ADAM22: variants seen among roughly 807,000 people sequenced by gnomAD.
The protein encoded by ADAM22 is disintegrin and metalloproteinase domain-containing protein 22.
A neutral mutation model predicts 144.6 loss-of-function variants in ADAM22; 65 were observed. That is an observed-to-expected ratio of 0.45 (90% CI 0.37 to 0.55). The LOEUF is 0.55. Ranked by LOEUF, ADAM22 falls within the 20% of genes least tolerant of loss-of-function variation. The pLI is 0.00. For synonymous variants in ADAM22, 391 were observed against 412.6 expected (o/e 0.95, Z 0.63); for missense variants, 974 against 1,184.9 (o/e 0.82, Z 2.61).
At chr7:88,135,366 T>C (rs1231810673) in intron 13 of ADAM22, among the ~76,000 whole-genome samples, 1 of 151,804 alleles carries the variant, frequency 6.6e-6, no homozygotes, top group Non-Finnish European at 1.5e-5. Flanking sequence ...ATTACTTCCA[T>C]TTAGATACTC....
intron 3 of ADAM22, among the ~76,000 whole-genome samples, chr7:88,018,273 AC>A (rs910138743): frequency 6.6e-5 from 10 of 152,122 alleles, no homozygotes; most frequent in African/African-American, 1.7e-4. Flanking sequence ...CCCAGAAACC[AC>A]CGTTCTCTTT....
intron 2 of ADAM22, among the ~76,000 whole-genome samples, chr7:87,941,539 G>A (rs536983825): frequency 5.9e-5 from 9 of 152,086 alleles, no homozygotes; most frequent in African/African-American, 1.9e-4. Context: ...AAAGTAAGTG[G>A]CTCAATATTG....
intron 29 of ADAM22, 131 bp from the exon 30 acceptor site, chr7:88,186,484 A>G (rs919907907): frequency 3.0e-5 from 22 of 734,874 alleles, no homozygotes; most frequent in Non-Finnish European, 5.4e-5. Context: ...ATCACCCAAC[A>G]TCCATTCTGG....
chr7:88,148,760 G>A lies in ADAM22; in HGVS notation c.1486-217G>A, dbSNP rs149396163. ...TTTAGCAGTATAATATAAGGCTTAT[G>A]TGTAATGACTATGGAAATTACATCA... On this transcript the variant is annotated intron_variant, in intron 17 of 31. Coordinates refer to ENST00000413139, the MANE Select transcript of ADAM22 (RefSeq NM_001324418.2). Among the ~76,000 whole-genome samples the A allele has an allele frequency of 4.2e-3, 634 of 152,266 alleles. 2 individuals carry two copies. Among genetic ancestry groups the A allele is most frequent in the African/African-American group, 0.014 (595 of 41,568 alleles).
chr7:88,161,130 C>A (rs1414028828), intron 22 of ADAM22, among the ~76,000 whole-genome samples: 1 of 150,626 alleles, frequency 6.6e-6, no homozygotes, highest in Non-Finnish European at 1.5e-5. Context: ...TAATAAAAAA[C>A]CAACCCCCCC....
At chr7:88,029,273 C>G (rs1321717414) in intron 3 of ADAM22, among the ~76,000 whole-genome samples, 1 of 151,978 alleles carries the variant, frequency 6.6e-6, no homozygotes, top group African/African-American at 2.4e-5. Context: ...GAGGTTACCA[C>G]TAGGCTTGTA....
At chr7:87,938,839 C>G (rs1415112573) in intron 2 of ADAM22, among the ~76,000 whole-genome samples, 5 of 151,986 alleles carry the variant, frequency 3.3e-5, no homozygotes, top group Non-Finnish European at 5.9e-5. Flanking sequence ...TTAGTAGAGA[C>G]AGGGTTTCAC....
chr7:87,934,593 C>T (rs746969143), intron 1 of ADAM22, 43 bp downstream of exon 1: 3 of 1,572,098 alleles, frequency 1.9e-6, no homozygotes, highest in Non-Finnish European at 2.6e-6. Flanking sequence ...TACCATTTCC[C>T]GGGAATCTTT....
At chr7:87,967,658 AT>A (rs1458171259) in intron 2 of ADAM22, among the ~76,000 whole-genome samples, 1 of 151,922 alleles carries the variant, frequency 6.6e-6, no homozygotes, top group Non-Finnish European at 1.5e-5. Context: ...AATACAAAGA[AT>A]TAGCCAGGTA....
chr7:88,083,587 TTGTGTGTGTGTGTGTGTGTGTGTG>T (rs35145003), intron 4 of ADAM22, among the ~76,000 whole-genome samples: 5 of 126,670 alleles, frequency 3.9e-5, no homozygotes, highest in East Asian at 2.3e-4. Context: ...TACTTTGTGT[TTGTGTGTGTGTGTGTGTGTGTGTG>T]TGTGTGTGTG....
chr7:88,059,417 A>G (rs1349154988), intron 3 of ADAM22, among the ~76,000 whole-genome samples: 3 of 152,244 alleles, frequency 2.0e-5, no homozygotes, highest in Non-Finnish European at 4.4e-5. Context: ...TTTAAAGCTC[A>G]AAGCTATAAT....
chr7:88,180,429 G>A (rs1298698574), intron 27 of ADAM22, among the ~76,000 whole-genome samples: 1 of 152,042 alleles, frequency 6.6e-6, no homozygotes. Flanking sequence ...CATTCTGTGA[G>A]TAGCAAATGA....
chr7:88,075,396 A>G (rs1262659966), intron 3 of ADAM22, among the ~76,000 whole-genome samples: 1 of 152,168 alleles, frequency 6.6e-6, no homozygotes, highest in Non-Finnish European at 1.5e-5. Flanking sequence ...TGTGCTCAGC[A>G]ATGGAGTGAC....
rs1563245756 is a variant in ADAM22, at chr7:88,113,707, T to TAA, written c.474-876_474-875insAA. Among the ~76,000 whole-genome samples the TAA allele has an allele frequency of 9.8e-3, 464 of 47,162 alleles. 3 individuals are homozygous for TAA. Among genetic ancestry groups the TAA allele is most frequent in the South Asian group, 0.047 (40 of 854 alleles). The allele number at this position is 47,162 out of a possible 152,430, so 30.9% of individuals were successfully genotyped here. ...TATATTATAAATAAATAAATAAATA[T>TAA]ATATATATATATATATATATATATA... On this transcript the variant is annotated intron_variant, in intron 5 of 31. Transcript: ENST00000413139.
chr7:88,014,386 C>T (rs1016467672), intron 3 of ADAM22, among the ~76,000 whole-genome samples: 1 of 152,130 alleles, frequency 6.6e-6, no homozygotes, highest in Non-Finnish European at 1.5e-5. Context: ...TATTTTATTG[C>T]ACCATTCTTT....
chr7:88,039,026 C>T (rs1802283589), intron 3 of ADAM22, among the ~76,000 whole-genome samples: 1 of 152,066 alleles, frequency 6.6e-6, no homozygotes, highest in Non-Finnish European at 1.5e-5. Context: ...AGCGATCCTC[C>T]TGTCTTAGCC....
chr7:88,102,594 G>A (rs1196870841), intron 4 of ADAM22, among the ~76,000 whole-genome samples: 2 of 152,186 alleles, frequency 1.3e-5, no homozygotes, highest in African/African-American at 4.8e-5. Flanking sequence ...CCCCTCTAGG[G>A]TATTCCTGGA....
chr7:88,159,556 C>T (rs899053940), intron 22 of ADAM22, among the ~76,000 whole-genome samples: 2 of 152,136 alleles, frequency 1.3e-5, no homozygotes, highest in Non-Finnish European at 2.9e-5. Context: ...ATCATATCCA[C>T]CATAATCAGG....
chr7:88,097,246 C>T (rs1157012720), intron 4 of ADAM22, among the ~76,000 whole-genome samples: 1 of 150,502 alleles, frequency 6.6e-6, no homozygotes, highest in African/African-American at 2.4e-5. Flanking sequence ...CCACCTCCCA[C>T]GTTCAAGCGA....
Sources: gnomAD v4.1 joint callset for allele counts (sites outside exome capture counted in the v4.1 genomes callset) on GRCh38, gnomAD v4.1.1 for gene constraint, MANE v1.5 for transcripts, NCBI Gene and HGNC (gene_info 2026-07-23, HGNC 2026-07-21) for gene names.